Variants in TEX28 observed in about 807,000 individuals in gnomAD.
The protein encoded by TEX28 is testis-specific protein TEX28.
upstream of TEX28, chrX:154,294,952 C>T (rs929469802): frequency 4.4e-5 from 5 of 112,429 alleles, no homozygotes; most frequent in African/African-American, 1.3e-4. Flanking sequence ...ACTTGGGATC[C>T]GGAATGTCTG....
At chrX:154,294,091 A>G (rs1460388377), upstream of TEX28, among the ~76,000 whole-genome samples, 2 of 86,890 alleles carry the variant, frequency 2.3e-5, no homozygotes, top group Non-Finnish European at 4.5e-5. Flanking sequence ...TTTTCTTGAG[A>G]CAGAGTTTTG....
At chrX:154,294,802 C>CA (rs782269636), upstream of TEX28, among the ~76,000 whole-genome samples, 973 of 94,884 alleles carry the variant, frequency 0.01, 7 homozygotes, top group African/African-American at 0.03. Flanking sequence ...GACTCCGTCT[C>CA]AAAAAAAAAA....
chrX:154,294,349 G>A (rs1234922106), upstream of TEX28, among the ~76,000 whole-genome samples: 10 of 101,497 alleles, frequency 9.9e-5, no homozygotes, highest in African/African-American at 3.3e-4. Flanking sequence ...TTACAGGAGC[G>A]TGTGCCACTG....
upstream of TEX28, among the ~76,000 whole-genome samples, chrX:154,294,819 T>G (rs2148794672): frequency 9.0e-6 from 1 of 110,591 alleles, no homozygotes; most frequent in East Asian, 2.9e-4. Context: ...AAAAAAAATG[T>G]AAACACACAT....
chrX:154,293,392 G>C (rs2067196313), upstream of TEX28, among the ~76,000 whole-genome samples: 1 of 92,508 alleles, frequency 1.1e-5, no homozygotes, highest in Admixed American at 1.1e-4. Context: ...GGCTGGGTGT[G>C]CTGGCTCATG....
At chrX:154,295,007 C>G (rs1365896867), upstream of TEX28, 3 of 111,769 alleles carry the variant, frequency 2.7e-5, no homozygotes, top group Non-Finnish European at 5.7e-5. Flanking sequence ...GGGAGCCATG[C>G]GAGTTCTGGG....
At chrX:154,294,234 C>G (rs1277550639), upstream of TEX28, among the ~76,000 whole-genome samples, 8 of 109,471 alleles carry the variant, frequency 7.3e-5, no homozygotes, top group Non-Finnish European at 1.1e-4. Context: ...CTACACCCAG[C>G]TAATTTTTTT....
chrX:154,294,499 G>A (rs1466895004), upstream of TEX28, among the ~76,000 whole-genome samples: 4 of 105,798 alleles, frequency 3.8e-5, no homozygotes, highest in Non-Finnish European at 5.8e-5. Flanking sequence ...CCCATTAGCT[G>A]GGATTACAGG....
upstream of TEX28, among the ~76,000 whole-genome samples, chrX:154,294,314 A>C (rs1369384464): frequency 1.0e-5 from 1 of 95,340 alleles, no homozygotes; most frequent in Non-Finnish European, 2.1e-5. Flanking sequence ...TGATCCACCC[A>C]CCTTGGCCTC....
upstream of TEX28, among the ~76,000 whole-genome samples, chrX:154,294,305 G>T (rs1387367516): frequency 4.6e-5 from 5 of 107,583 alleles, no homozygotes; most frequent in Non-Finnish European, 9.6e-5. Flanking sequence ...GACCTCAGGT[G>T]ATCCACCCAC....
At chrX:154,293,433 T>C (rs1167867601), upstream of TEX28, among the ~76,000 whole-genome samples, 3 of 85,781 alleles carry the variant, frequency 3.5e-5, no homozygotes, top group African/African-American at 1.8e-4. Context: ...GAAGCCAAGG[T>C]GGGTGGATCT....
chrX:154,294,965 C>G (rs1557163652), upstream of TEX28: 1 of 112,380 alleles, frequency 8.9e-6, no homozygotes, highest in Non-Finnish European at 1.9e-5. Context: ...AATGTCTGGA[C>G]TTGGGCACGG....
upstream of TEX28, among the ~76,000 whole-genome samples, chrX:154,294,512 C>T (rs1205033898): frequency 9.5e-6 from 1 of 105,446 alleles, no homozygotes; most frequent in Non-Finnish European, 1.9e-5. Flanking sequence ...ATTACAGGTG[C>T]CCACCACCGC....
chrX:154,294,474 C>G (rs2067202469), upstream of TEX28, among the ~76,000 whole-genome samples: 2 of 107,694 alleles, frequency 1.9e-5, no homozygotes, highest in South Asian at 8.2e-4. Flanking sequence ...TCAAGTGATT[C>G]TCCTGCCTCA....
chrX:154,294,864 G>A (rs1455793844), upstream of TEX28, among the ~76,000 whole-genome samples: 1 of 112,099 alleles, frequency 8.9e-6, no homozygotes, highest in Admixed American at 9.4e-5. Context: ...GAACCCAAGG[G>A]CATTCAGCCT....
chrX:154,294,133 C>T (rs2067199986), upstream of TEX28, among the ~76,000 whole-genome samples: 1 of 98,321 alleles, frequency 1.0e-5, no homozygotes, highest in Non-Finnish European at 2.1e-5. Flanking sequence ...TGCAATGGCT[C>T]GATCTTGGCT....
At chrX:154,294,214 G>A (rs1557163102), upstream of TEX28, among the ~76,000 whole-genome samples, 46 of 108,228 alleles carry the variant, frequency 4.3e-4, no homozygotes, top group African/African-American at 1.3e-3. Flanking sequence ...GGGAGTACAG[G>A]TATGTGCCAC....
upstream of TEX28, among the ~76,000 whole-genome samples, chrX:154,294,218 G>T (rs1365776393): frequency 1.8e-4 from 20 of 108,690 alleles, no homozygotes; most frequent in East Asian, 1.2e-3. Flanking sequence ...GTACAGGTAT[G>T]TGCCACTACA....
chrX:154,294,233 G>C (rs2067200499), upstream of TEX28, among the ~76,000 whole-genome samples: 1 of 109,277 alleles, frequency 9.2e-6, no homozygotes, highest in African/African-American at 3.3e-5. Context: ...ACTACACCCA[G>C]CTAATTTTTT....
Sources: gnomAD v4.1 joint callset for allele counts (sites outside exome capture counted in the v4.1 genomes callset) on GRCh38, gnomAD v4.1.1 for gene constraint, MANE v1.5 for transcripts, NCBI Gene and HGNC (gene_info 2026-07-23, HGNC 2026-07-21) for gene names.